CACNA1C: variants seen among roughly 807,000 people sequenced by gnomAD.
The protein encoded by CACNA1C is voltage-dependent L-type calcium channel subunit alpha-1C.
A neutral mutation model predicts 229.0 loss-of-function variants in CACNA1C; 30 were observed. That is an observed-to-expected ratio of 0.13 (90% confidence interval 0.10 to 0.18). The LOEUF (loss-of-function observed/expected upper bound fraction) is 0.18. Ranked by LOEUF, CACNA1C falls within the 10% of genes least tolerant of loss-of-function variation. The probability of loss-of-function intolerance (pLI) is 1.00; values close to 1 mark genes in which losing one functional copy is unlikely to be tolerated. For missense variants in CACNA1C, 1,658 were observed against 2,845.0 expected (o/e 0.58, Z 9.49); for synonymous variants, 1,114 against 1,132.5 (o/e 0.98, Z 0.33).
Position 2,678,006 on chromosome 12 carries a change from G to GC in CACNA1C, c.5091+140dup. On this transcript the variant is annotated intron_variant, in intron 41 of 46. Coordinates refer to ENST00000399655, the MANE Select transcript of CACNA1C (RefSeq NM_000719.7). This position sits in a 1 kb window ranked among gnomAD's most constrained non-coding sequence, Gnocchi z 4.1. ...GCTACTTCCAGGCTCTTCCTGATGA[G>GC]CTGTCTCCTCACCCCTTTGCCTTTT... 1.0e-6 allele frequency: 1 copy of GC among 985,854 alleles called. No individual in the cohort carries two copies. Among genetic ancestry groups the GC allele is most frequent in the Non-Finnish European group, 1.5e-6 (1 of 661,372 alleles). The allele number at this position is 985,854 out of a possible 1,614,324, so 61.1% of individuals were successfully genotyped here. A position where few individuals can be genotyped will look rare whatever the true frequency, so the allele number is the denominator to read the frequency against.
Position 2,691,312 on chromosome 12 carries a change from A to C in CACNA1C, c.*113A>C. On this transcript the variant is annotated 3_prime_UTR_variant, in exon 47 of 47. Transcript: ENST00000399655. The stretch of plus-strand genomic sequence containing the variant: ...TGGAGTTAACCGGAACAGCGTCTTC[A>C]TTCATTTCTGTTGGGACCAGACGCG... The C allele has an allele frequency of 8.7e-7, 1 of 1,153,922 alleles. No individual in the cohort carries two copies. The highest frequency in any genetic ancestry group is 2.3e-5 in the South Asian group (1 of 44,246). The allele number at this position is 1,153,922 out of a possible 1,614,324, so 71.5% of individuals were successfully genotyped here.
In CACNA1C at chr12:2,371,724, C is replaced by CTTTTTTTTT. The variant is rs61627008; in HGVS notation, c.478-77238_478-77230dup. Among the ~76,000 whole-genome samples, 2 of 129,016 alleles carry CTTTTTTTTT rather than the reference C, an allele frequency of 1.6e-5. 1 individual carries two copies. The allele number at this position is 129,016 out of a possible 152,430, so 84.6% of individuals were successfully genotyped here. Reference sequence around the variant, plus strand: ...CAAGCACATACTAAATGACATATGGCTTTTTTTTTTTTTTTTTTTTTTAAT... The same window carrying CTTTTTTTTT: ...CAAGCACATACTAAATGACATATGGCTTTTTTTTTTTTTTTTTTTTTTTTTTTTTTTAAT... On this transcript the variant is annotated intron_variant, in intron 3 of 46. Coordinates refer to ENST00000399655, the MANE Select transcript of CACNA1C (RefSeq NM_000719.7).
At chr12:2,089,017 T>C (rs1043155961) in intron 1 of CACNA1C, among the ~76,000 whole-genome samples, 4 of 152,146 alleles carry the variant, frequency 2.6e-5, no homozygotes, top group Non-Finnish European at 5.9e-5. Context: ...CCTGTGGGGC[T>C]CTGAGACTTT....
At position 2,630,029 on chromosome 12, in the gene CACNA1C, A is replaced by AG. The variant is rs1294096277; in HGVS notation, c.3829-4265dup. ...CAGCCTGTGGGATTGGGGGATGGCG[A>AG]GGGCAAGGCTTCCAGCTGCAAAAAC... On this transcript the variant is annotated intron_variant, in intron 29 of 46. Coordinates refer to ENST00000399655, the MANE Select transcript of CACNA1C (RefSeq NM_000719.7). This position sits in a 1 kb window ranked among gnomAD's most constrained non-coding sequence, Gnocchi z 5.4. 2.0e-5 allele frequency among the ~76,000 whole-genome samples: 3 copies of AG among 152,284 alleles called. No individual in the cohort carries two copies. Among genetic ancestry groups the AG allele is most frequent in the South Asian group, 2.1e-4 (1 of 4,826 alleles).
At chr12:2,347,732 A>G (rs2097089011) in intron 3 of CACNA1C, among the ~76,000 whole-genome samples, 1 of 152,210 alleles carries the variant, frequency 6.6e-6, no homozygotes, top group African/African-American at 2.4e-5. Flanking sequence ...GCCAGGCCCT[A>G]TGCCCTTTTT....
intron 37 of CACNA1C, among the ~76,000 whole-genome samples, chr12:2,667,921 A>G (rs1378010320): frequency 6.6e-6 from 1 of 152,214 alleles, no homozygotes; most frequent in Admixed American, 6.5e-5. Context: ...CTTGCTCGTC[A>G]TGACCCATTG....
chr12:2,198,719 T>C (rs1382491403), intron 3 of CACNA1C, among the ~76,000 whole-genome samples: 1 of 152,110 alleles, frequency 6.6e-6, no homozygotes, highest in Non-Finnish European at 1.5e-5. Flanking sequence ...GGGTTCTGGC[T>C]AGGAAGGGAA....
chr12:2,482,450 C>T (rs900703997), intron 5 of CACNA1C, among the ~76,000 whole-genome samples: 2 of 152,244 alleles, frequency 1.3e-5, no homozygotes, highest in Admixed American at 6.5e-5. Context: ...GGGTAGATCA[C>T]TCCACTGCTC....
intron 3 of CACNA1C, among the ~76,000 whole-genome samples, chr12:2,207,663 A>T (rs540538212): frequency 6.6e-6 from 1 of 152,194 alleles, no homozygotes. Context: ...AAGTAAAAAA[A>T]ATTAGTCAGG....
At chr12:2,163,056 G>A (rs2095983673) in intron 3 of CACNA1C, among the ~76,000 whole-genome samples, 2 of 152,028 alleles carry the variant, frequency 1.3e-5, no homozygotes, top group Non-Finnish European at 2.9e-5. Flanking sequence ...AAATTAGCCA[G>A]GCGTGGTGGT....
chr12:2,020,020 T>C (rs1486777177), intron 1 of CACNA1C: 1 of 152,220 alleles, frequency 6.6e-6, no homozygotes, highest in Non-Finnish European at 1.5e-5. Context: ...TTTCTCTCTC[T>C]TTCTCTCTCT....
Position 2,181,858 on chromosome 12 carries a change from A to G in CACNA1C, c.477+61428A>G, listed in dbSNP as rs780612600. On this transcript the variant is annotated intron_variant, in intron 3 of 46. Transcript: ENST00000399655. This position sits in a 1 kb window ranked among gnomAD's most constrained non-coding sequence, Gnocchi z 4.0. ...GACACTCTGTCTCTGGCCCAGAGGAACAGCTGGAGGATGCAGGCAAGATGT... is the reference window on the plus strand; with the variant it reads ...GACACTCTGTCTCTGGCCCAGAGGAGCAGCTGGAGGATGCAGGCAAGATGT... Among the ~76,000 whole-genome samples, 5 of 150,412 alleles carry G rather than the reference A, an allele frequency of 3.3e-5. No individual in the cohort carries two copies. The highest frequency in any genetic ancestry group is 7.4e-5 in the Non-Finnish European group (5 of 67,496).
chr12:2,113,236 C>T (rs2082459936), intron 1 of CACNA1C, among the ~76,000 whole-genome samples: 1 of 152,206 alleles, frequency 6.6e-6, no homozygotes, highest in African/African-American at 2.4e-5. Context: ...CTGGGGCAGG[C>T]TCTCTCTAGG....
chr12:2,625,989 G>A (rs1265285181), intron 29 of CACNA1C, among the ~76,000 whole-genome samples: 1 of 152,120 alleles, frequency 6.6e-6, no homozygotes, highest in Non-Finnish European at 1.5e-5. Context: ...ACCCTACAAG[G>A]GCAAGTACTC....
rs2099033917 is a variant in CACNA1C at position 2,426,528 on chromosome 12, C to T, written c.478-22448C>T. Among the ~76,000 whole-genome samples the T allele has an allele frequency of 2.6e-5, 4 of 151,968 alleles. No individual in the cohort carries two copies. In the South Asian group the frequency reaches 8.3e-4, roughly 32 times the overall value. On this transcript the variant is annotated intron_variant, in intron 3 of 46. Coordinates refer to ENST00000399655, the MANE Select transcript of CACNA1C (RefSeq NM_000719.7). ...AAAGGCAGTAGAAGGGTTTAGGATG[C>T]CCATGAAAATTGTGGTCAGAAAGGT...
At chr12:2,582,701 G>A (rs903000804) in intron 14 of CACNA1C, 121 bp from the exon 15 acceptor site, 193 of 1,033,572 alleles carry the variant, frequency 1.9e-4, no homozygotes, top group Middle Eastern at 1.6e-3. Flanking sequence ...CCAGGAGGAG[G>A]GAAAGAAGTG....
chr12:2,181,948 C>T lies in CACNA1C; in HGVS notation c.477+61518C>T, dbSNP rs988555985. 4.6e-5 allele frequency among the ~76,000 whole-genome samples: 7 copies of T among 151,758 alleles called. No homozygotes were observed. Among genetic ancestry groups the T allele is most frequent in the Admixed American group, 1.3e-4 (2 of 15,256 alleles). On this transcript the variant is annotated intron_variant, in intron 3 of 46. Coordinates refer to ENST00000399655, the MANE Select transcript of CACNA1C (RefSeq NM_000719.7). The surrounding 1 kb of genome is among the most constrained non-coding windows in gnomAD (Gnocchi z 4.0). ...TGGATTACTCATTAATGTAGAACTC[C>T]GACCAGTGGGTGGAGGGTATGGGTT...
intron 1 of CACNA1C, among the ~76,000 whole-genome samples, chr12:1,988,396 G>A (rs1300384851): frequency 6.6e-6 from 1 of 152,088 alleles, no homozygotes; most frequent in Non-Finnish European, 1.5e-5. Context: ...ACATTTCACT[G>A]GCCAAAGCAA....
chr12:2,440,216 C>T (rs1191278609), intron 3 of CACNA1C, among the ~76,000 whole-genome samples: 1 of 152,132 alleles, frequency 6.6e-6, no homozygotes, highest in African/African-American at 2.4e-5. Context: ...CAACCATCAC[C>T]ACCATTTCCG....
Sources: allele counts gnomAD v4.1 joint callset (sites outside exome capture counted in the v4.1 genomes callset), GRCh38; gene constraint gnomAD v4.1.1; non-coding constraint Gnocchi (gnomAD v3.1); transcripts MANE v1.5; gene names NCBI Gene and HGNC (gene_info 2026-07-23, HGNC 2026-07-21).